Variants in MCU observed in about 807,000 individuals in gnomAD.
MCU encodes the protein mitochondrial calcium uniporter, also known as calcium uniporter protein, mitochondrial.
Under a neutral mutation model 45.2 loss-of-function variants are expected in MCU, and 12 were observed. That is an observed-to-expected ratio of 0.27 (90% CI 0.17 to 0.43). The LOEUF is 0.43. Ranked by LOEUF, MCU falls within the 20% of genes least tolerant of loss-of-function variation. MCU has a pLI of 1.00. For synonymous variants in MCU, 160 were observed against 165.1 expected (o/e 0.97, Z 0.24); for missense variants, 324 against 436.7 (o/e 0.74, Z 2.30).
chr10:72,872,725 T>C (rs983172308), intron 6 of MCU, among the ~76,000 whole-genome samples: 2 of 152,236 alleles, frequency 1.3e-5, no homozygotes, highest in African/African-American at 4.8e-5. Context: ...GCGGTAAACA[T>C]AGGAGTGCAG....
chr10:72,799,022 G>A (rs1023294985), intron 1 of MCU, among the ~76,000 whole-genome samples: 1 of 152,046 alleles, frequency 6.6e-6, no homozygotes, highest in Non-Finnish European at 1.5e-5. Context: ...CGGCTCCCAG[G>A]TTCAAGCGAT....
intron 4 of MCU, among the ~76,000 whole-genome samples, chr10:72,863,697 ACCTCTGCCT>A (rs1845413471): frequency 1.3e-5 from 2 of 152,090 alleles, no homozygotes; most frequent in African/African-American, 2.4e-5. Context: ...GCTCACTGCA[ACCTCTGCCT>A]CCTGGGTTCA....
intron 6 of MCU, among the ~76,000 whole-genome samples, chr10:72,881,647 A>G (rs1020290913): frequency 6.6e-6 from 1 of 152,264 alleles, no homozygotes; most frequent in Non-Finnish European, 1.5e-5. Context: ...TCCAGAATAT[A>G]TAAACAAATT....
chr10:72,790,358 T>C (rs1394480236), intron 1 of MCU, among the ~76,000 whole-genome samples: 1 of 152,210 alleles, frequency 6.6e-6, no homozygotes, highest in Non-Finnish European at 1.5e-5. Flanking sequence ...CCCTCTTCCT[T>C]CTTCCACACC....
chr10:72,783,290 T>C (rs1219073168), intron 1 of MCU, among the ~76,000 whole-genome samples: 1 of 152,224 alleles, frequency 6.6e-6, no homozygotes, highest in Non-Finnish European at 1.5e-5. Flanking sequence ...CATTCCTTCC[T>C]ATCCTTTCAG....
intron 1 of MCU, among the ~76,000 whole-genome samples, chr10:72,734,014 A>G (rs1031486533): frequency 6.6e-6 from 1 of 152,168 alleles, no homozygotes; most frequent in African/African-American, 2.4e-5. Flanking sequence ...CTCAGAGTAA[A>G]TAATAATTAT....
chr10:72,698,590 C>T (rs1375510641), intron 1 of MCU, among the ~76,000 whole-genome samples: 6 of 152,110 alleles, frequency 3.9e-5, no homozygotes, highest in East Asian at 1.9e-4. Flanking sequence ...CTGCAACCTC[C>T]GCCTCTCGGG....
chr10:72,701,247 G>A (rs1003264508), intron 1 of MCU, among the ~76,000 whole-genome samples: 1 of 152,154 alleles, frequency 6.6e-6, no homozygotes, highest in African/African-American at 2.4e-5. Flanking sequence ...TAAGACCTGA[G>A]GACATTGTTA....
intron 2 of MCU, among the ~76,000 whole-genome samples, chr10:72,843,905 T>TTTTTAC (rs1845082408): frequency 6.6e-6 from 1 of 152,212 alleles, no homozygotes; most frequent in Non-Finnish European, 1.5e-5. Flanking sequence ...CATATTTAAG[T>TTTTTAC]ATATTTTTCT....
intron 1 of MCU, among the ~76,000 whole-genome samples, chr10:72,722,098 A>G (rs965500321): frequency 5.3e-5 from 8 of 152,154 alleles, no homozygotes; most frequent in African/African-American, 1.9e-4. Flanking sequence ...TTATTTGAAG[A>G]TAAATTGGGT....
intron 2 of MCU, among the ~76,000 whole-genome samples, chr10:72,835,292 G>T (rs1299040226): frequency 1.3e-5 from 2 of 152,188 alleles, no homozygotes; most frequent in Non-Finnish European, 2.9e-5. Flanking sequence ...GGAGGGAGAT[G>T]TGTTTACAAC....
At chr10:72,798,503 G>T (rs967935981) in intron 1 of MCU, among the ~76,000 whole-genome samples, 2 of 152,252 alleles carry the variant, frequency 1.3e-5, no homozygotes, top group Non-Finnish European at 2.9e-5. Flanking sequence ...TGCTGGCCAG[G>T]CTGGTCTCGA....
At chr10:72,803,395 A>G (rs189984741) in intron 1 of MCU, among the ~76,000 whole-genome samples, 156 of 151,936 alleles carry the variant, frequency 1.0e-3, no homozygotes, top group Non-Finnish European at 1.9e-3. Context: ...AATAGAAACA[A>G]TTGACAAATG....
chr10:72,787,446 T>C (rs1844091109), intron 1 of MCU, among the ~76,000 whole-genome samples: 2 of 152,036 alleles, frequency 1.3e-5, no homozygotes, highest in South Asian at 4.1e-4. Flanking sequence ...TTTTTGTATT[T>C]TTAGTAGAGA....
In MCU at chr10:72,717,127, C is replaced by CT. The variant is rs71021527; in HGVS notation, c.150+24841dup. ...GTCTATTTCCTTTCTCTCTCTCTCT[C>CT]TTTTTTTTTTTTTTTGCCCCTGAAG... On this transcript the variant is annotated intron_variant, in intron 1 of 7. Transcript: ENST00000373053. Among the ~76,000 whole-genome samples, 183 of 138,400 alleles carry CT rather than the reference C, an allele frequency of 1.3e-3. 1 individual carries two copies. The highest frequency in any genetic ancestry group is 7.3e-3 in the Middle Eastern group (2 of 274). 90.8% of individuals were successfully genotyped at this position (138,400 alleles called of 152,430 possible).
intron 1 of MCU, among the ~76,000 whole-genome samples, chr10:72,711,776 A>G (rs1407545641): frequency 2.1e-5 from 3 of 146,186 alleles, no homozygotes; most frequent in Non-Finnish European, 4.5e-5. Flanking sequence ...CAGTGGCACA[A>G]TCTCCATTCA....
chr10:72,765,422 A>G (rs936946551), intron 1 of MCU, among the ~76,000 whole-genome samples: 5 of 152,034 alleles, frequency 3.3e-5, no homozygotes, highest in Non-Finnish European at 7.4e-5. Context: ...GTCATGTTTT[A>G]TATTTCAAAG....
intron 1 of MCU, among the ~76,000 whole-genome samples, chr10:72,716,203 A>T (rs1006076462): frequency 1.3e-5 from 2 of 152,228 alleles, no homozygotes; most frequent in Non-Finnish European, 2.9e-5. Flanking sequence ...TAAACTATTT[A>T]TTATTTAGCC....
chr10:72,748,201 C>T (rs1163568692), intron 1 of MCU, among the ~76,000 whole-genome samples: 3 of 152,072 alleles, frequency 2.0e-5, no homozygotes, highest in Admixed American at 1.3e-4. Context: ...GTGCCCGCCA[C>T]CACGCCCAGC....
Sources: gnomAD v4.1 joint callset for allele counts (sites outside exome capture counted in the v4.1 genomes callset) on GRCh38, gnomAD v4.1.1 for gene constraint, MANE v1.5 for transcripts, NCBI Gene and HGNC (gene_info 2026-07-23, HGNC 2026-07-21) for gene names.